Variants in STK32B observed in about 807,000 individuals in gnomAD.
The protein encoded by STK32B is serine/threonine kinase 32B, also known as serine/threonine-protein kinase 32B.
Under a neutral mutation model 52.6 loss-of-function variants are expected in STK32B, and 43 were observed. The observed-to-expected ratio is 0.82, with a 90% CI of 0.64 to 1.05. The LOEUF is 1.05. STK32B is among the 50% of genes least tolerant of loss of function. STK32B has a pLI of 0.00. For missense variants in STK32B, 621 were observed against 534.6 expected, an observed-to-expected ratio of 1.16 and a Z score of -1.59; for synonymous variants, 238 against 204.3, an observed-to-expected ratio of 1.17 and a Z score of -1.41.
chr4:5,426,081 A>G (rs556827305), intron 6 of STK32B, among the ~76,000 whole-genome samples: 4 of 152,326 alleles, frequency 2.6e-5, no homozygotes, highest in African/African-American at 9.6e-5. Flanking sequence ...CAGGTTTTAT[A>G]TGAGCTTAAA....
intron 3 of STK32B, among the ~76,000 whole-genome samples, chr4:5,212,091 T>A (rs1373849922): frequency 6.6e-6 from 1 of 152,236 alleles, no homozygotes; most frequent in Non-Finnish European, 1.5e-5. Context: ...CACAGGCGAT[T>A]TTATTTAATG....
chr4:5,488,150 T>A (rs910295461), intron 11 of STK32B, among the ~76,000 whole-genome samples: 1 of 152,060 alleles, frequency 6.6e-6, no homozygotes, highest in Admixed American at 6.5e-5. Context: ...AATACAAAAA[T>A]TAGCTAGGTA....
In STK32B at chr4:5,378,508, T is replaced by C. The variant is rs1387781618; in HGVS notation, c.435-19699T>C. 1.3e-5 allele frequency among the ~76,000 whole-genome samples: 2 copies of C among 152,234 alleles called. No individual in the cohort carries two copies. ...TGAACTTGTTTATTTCTAATTCCTATGCCCTTTATCTTTCTGTTTTCTTCT... is the reference window on the plus strand; with the variant it reads ...TGAACTTGTTTATTTCTAATTCCTACGCCCTTTATCTTTCTGTTTTCTTCT... On this transcript the variant is annotated intron_variant, in intron 4 of 11. Coordinates refer to ENST00000282908, the MANE Select transcript of STK32B (RefSeq NM_018401.3). The surrounding 1 kb of genome is among the most constrained non-coding windows in gnomAD (Gnocchi z 4.4).
At chr4:5,357,072 TACAC>T (rs1290227661) in intron 4 of STK32B, among the ~76,000 whole-genome samples, 25 of 143,854 alleles carry the variant, frequency 1.7e-4, no homozygotes, top group African/African-American at 4.1e-4. Flanking sequence ...TACACACATA[TACAC>T]ACACACACGT....
At position 5,128,317 on chromosome 4, in the gene STK32B, A is replaced by T. The variant is rs1715537204; in HGVS notation, c.53-11588A>T. On this transcript the variant is annotated intron_variant, in intron 1 of 11. Transcript: ENST00000282908. ...TTGGGAATGCAGGAAGGAGGTATGC[A>T]TAAGGCGGTGTTTGCTTTCGAGGAA... is the stretch of plus-strand genomic sequence containing the variant. Among the ~76,000 whole-genome samples the T allele has an allele frequency of 1.3e-5, 2 of 152,366 alleles. 1 individual carries two copies. Among genetic ancestry groups the T allele is most frequent in the South Asian group, 4.1e-4 (2 of 4,830 alleles).
At chr4:5,495,711 C>T (rs572828719) in intron 11 of STK32B, among the ~76,000 whole-genome samples, 2 of 152,112 alleles carry the variant, frequency 1.3e-5, no homozygotes, top group African/African-American at 4.8e-5. Flanking sequence ...GTGGTTTTAT[C>T]TACTTTTGGT....
In STK32B at chr4:5,457,027, G is replaced by A. The variant is rs377012613; in HGVS notation, c.783+104G>A. 6.1e-5 allele frequency: 49 copies of A among 805,452 alleles called. No individual in the cohort carries two copies. The African/African-American group carries it at 6.6e-4, about 11-fold the overall frequency. 49.9% of individuals were successfully genotyped at this position (805,452 alleles called of 1,614,324 possible). A position where few individuals can be genotyped will look rare whatever the true frequency, so the allele number is the denominator to read the frequency against. ...TGAGAATACAAATGGCATACTCGGG[G>A]TAGAGATGATCAAATCAGCTGCGCT... On this transcript the variant is annotated intron_variant, in intron 8 of 11. Transcript: ENST00000282908.
intron 3 of STK32B, among the ~76,000 whole-genome samples, chr4:5,262,518 G>A (rs771861057): frequency 1.3e-5 from 2 of 151,698 alleles, no homozygotes; most frequent in South Asian, 2.1e-4. Context: ...CCAGCTACTC[G>A]GGAGGCTGCG....
chr4:5,408,137 C>T (rs912592660), intron 5 of STK32B, among the ~76,000 whole-genome samples: 2 of 152,036 alleles, frequency 1.3e-5, no homozygotes, highest in Non-Finnish European at 2.9e-5. Flanking sequence ...TTACAGCAGC[C>T]CAAACGGACT....
chr4:5,168,241 C>T (rs1719041303), intron 2 of STK32B, 58 bp from the exon 3 acceptor site: 2 of 1,566,998 alleles, frequency 1.3e-6, no homozygotes, highest in Non-Finnish European at 1.7e-6. Flanking sequence ...TGACATTTCT[C>T]CTTTGTCTCC....
intron 3 of STK32B, among the ~76,000 whole-genome samples, chr4:5,179,738 A>C (rs1720215440): frequency 6.6e-6 from 1 of 152,204 alleles, no homozygotes; most frequent in African/African-American, 2.4e-5. Flanking sequence ...TGAAGGAGAA[A>C]AACCTAAACT....
chr4:5,095,444 G>A (rs1713331860), intron 1 of STK32B, among the ~76,000 whole-genome samples: 1 of 152,114 alleles, frequency 6.6e-6, no homozygotes, highest in Non-Finnish European at 1.5e-5. Flanking sequence ...GCGAAACTCT[G>A]CCTCTATTAA....
At chr4:5,356,383 G>A (rs759512295) in intron 4 of STK32B, among the ~76,000 whole-genome samples, 1 of 152,114 alleles carries the variant, frequency 6.6e-6, no homozygotes, top group African/African-American at 2.4e-5. Context: ...CTTCAAATAC[G>A]CTATGTCCAA....
At chr4:5,074,072 C>T (rs1577050537) in intron 1 of STK32B, among the ~76,000 whole-genome samples, 1 of 152,044 alleles carries the variant, frequency 6.6e-6, no homozygotes, top group East Asian at 1.9e-4. Flanking sequence ...TCCCACACAT[C>T]CCTCCCCCTT....
chr4:5,446,598 C>A, intron 6 of STK32B, 75 bp from the exon 7 acceptor site: 1 of 1,291,124 alleles, frequency 7.7e-7, no homozygotes, highest in Non-Finnish European at 1.1e-6. Context: ...AATTTCTCTC[C>A]TTGTCCCCTC....
chr4:5,348,777 C>A (rs1275676842), intron 4 of STK32B, among the ~76,000 whole-genome samples: 1 of 152,172 alleles, frequency 6.6e-6, no homozygotes, highest in Non-Finnish European at 1.5e-5. Context: ...CATCAGGGGG[C>A]CTGAGGACAG....
chr4:5,103,372 C>T (rs1209854571), intron 1 of STK32B, among the ~76,000 whole-genome samples: 1 of 152,000 alleles, frequency 6.6e-6, no homozygotes, highest in African/African-American at 2.4e-5. Flanking sequence ...TTATATAACC[C>T]AGAAGGATAT....
In STK32B at chr4:5,395,951, T is replaced by C. The variant is rs1385869468; in HGVS notation, c.435-2256T>C. On this transcript the variant is annotated intron_variant, in intron 4 of 11. Coordinates refer to ENST00000282908, the MANE Select transcript of STK32B (RefSeq NM_018401.3). This position sits in a 1 kb window ranked among gnomAD's most constrained non-coding sequence, Gnocchi z 4.4. ...TATGAGACAATGTGCGCCGGTGCAA[T>C]GTGGATGTGGGGGCGTGGCCAGGCC... Among the ~76,000 whole-genome samples the C allele has an allele frequency of 1.3e-5, 2 of 152,104 alleles. No individual in the cohort carries two copies. The highest frequency in any genetic ancestry group is 4.8e-5 in the African/African-American group (2 of 41,432).
At position 5,378,262 on chromosome 4, in the gene STK32B, C is replaced by T. The variant is rs1293710660; in HGVS notation, c.435-19945C>T. On this transcript the variant is annotated intron_variant, in intron 4 of 11. Coordinates refer to ENST00000282908, the MANE Select transcript of STK32B (RefSeq NM_018401.3). The surrounding 1 kb of genome is among the most constrained non-coding windows in gnomAD (Gnocchi z 4.4). ...GGAGGGAAGACAGGCAAGGAGGGAA[C>T]TGATGAGCGGGGACAAGGATGACAG... Among the ~76,000 whole-genome samples the T allele has an allele frequency of 6.6e-6, 1 of 152,154 alleles. No homozygotes were observed. Among genetic ancestry groups the T allele is most frequent in the East Asian group, 1.9e-4 (1 of 5,180 alleles).
Sources: gnomAD v4.1 joint callset for allele counts (sites outside exome capture counted in the v4.1 genomes callset) on GRCh38, gnomAD v4.1.1 for gene constraint, Gnocchi (gnomAD v3.1) non-coding constraint, MANE v1.5 for transcripts, NCBI Gene and HGNC (gene_info 2026-07-23, HGNC 2026-07-21) for gene names.